The following MIA2 variants were observed in gnomAD, a reference collection of about 807,000 sequenced individuals.
The protein encoded by MIA2 is MIA SH3 domain ER export factor 2, also known as melanoma inhibitory activity protein 2.
Under a neutral mutation model 167.8 loss-of-function variants are expected in MIA2, and 127 were observed. The ratio of observed to expected loss-of-function variants is 0.76; its 90% confidence interval spans 0.66 to 0.88. The LOEUF (loss-of-function observed/expected upper bound fraction) is 0.88. MIA2 is among the 40% of genes least tolerant of loss of function. The probability of loss-of-function intolerance (pLI) is 0.00; values close to 1 mark genes in which losing one functional copy is unlikely to be tolerated. For synonymous variants in MIA2, 552 were observed against 541.9 expected (o/e 1.02, Z -0.26); for missense variants, 1,690 against 1,624.7 (o/e 1.04, Z -0.69).
At chr14:39,282,636 T>C (rs1369699053) in intron 9 of MIA2, among the ~76,000 whole-genome samples, 1 of 152,156 alleles carries the variant, frequency 6.6e-6, no homozygotes, top group Non-Finnish European at 1.5e-5. Context: ...TGCAGTGGCA[T>C]GATCTTGGCT....
chr14:39,367,061 G>C (rs893333887), intron 23 of MIA2, among the ~76,000 whole-genome samples: 7 of 152,212 alleles, frequency 4.6e-5, no homozygotes, highest in South Asian at 4.1e-4. Context: ...TGGCCCTGCT[G>C]CTGATGGAGG....
At position 39,323,951 on chromosome 14, in the gene MIA2, G is replaced by C. The variant is rs376505652; in HGVS notation, c.3496+2895G>C. The stretch of plus-strand genomic sequence containing the variant: ...AGTTGTCATCGGGTCTTACAGAGTT[G>C]ATCCGAACTAAAAGTTTCTATGATC... On this transcript the variant is annotated intron_variant, in intron 24 of 28. Coordinates refer to ENST00000640607, the MANE Select transcript of MIA2 (RefSeq NM_001329214.4). Among the ~76,000 whole-genome samples the C allele has an allele frequency of 3.9e-5, 6 of 152,306 alleles. No individual in the cohort carries two copies. The East Asian group carries it at 1.2e-3, about 29-fold the overall frequency.
At chr14:39,332,884 C>G (rs1306926031) in intron 25 of MIA2, among the ~76,000 whole-genome samples, 3 of 152,108 alleles carry the variant, frequency 2.0e-5, no homozygotes, top group Non-Finnish European at 4.4e-5. Context: ...GCCTGGGAAT[C>G]AACAATTTCT....
intron 6 of MIA2, chr14:39,266,045 G>A (rs1158017175): frequency 1.0e-6 from 1 of 985,314 alleles, no homozygotes; most frequent in Non-Finnish European, 1.2e-6. Flanking sequence ...TGTGAACTTG[G>A]GCCAGTTTTT....
At chr14:39,300,949 T>TACACATAC in intron 14 of MIA2, among the ~76,000 whole-genome samples, 1 of 141,276 alleles carries the variant, frequency 7.1e-6, no homozygotes, top group African/African-American at 2.7e-5. Context: ...TATACATATA[T>TACACATAC]ACACATACAT....
chr14:39,313,111 CTA>C (rs1188804746), intron 18 of MIA2, among the ~76,000 whole-genome samples: 1 of 151,880 alleles, frequency 6.6e-6, no homozygotes, highest in Non-Finnish European at 1.5e-5. Flanking sequence ...ACTCTTGAAA[CTA>C]TTAGTAGTTC....
At chr14:39,288,045 C>T (rs1436696815) in intron 9 of MIA2, among the ~76,000 whole-genome samples, 1 of 152,074 alleles carries the variant, frequency 6.6e-6, no homozygotes, top group African/African-American at 2.4e-5. Context: ...TGTGGTTTTG[C>T]CATGTTGCAC....
Position 39,285,726 on chromosome 14 carries a change from G to A in MIA2, c.2131-5293G>A, listed in dbSNP as rs1200350547. Among the ~76,000 whole-genome samples, 99 of 108,918 alleles carry A rather than the reference G, an allele frequency of 9.1e-4. 3 individuals are homozygous for A. The Admixed American group carries it at 9.4e-3, about 10-fold the overall frequency. The allele number at this position is 108,918 out of a possible 152,430, so 71.5% of individuals were successfully genotyped here. A position where few individuals can be genotyped will look rare whatever the true frequency, so the allele number is the denominator to read the frequency against. ...CGGAGACGCTCCTCACTTCCCAGAC[G>A]GGGCAGCTGCCGGGCGGAGGGGCTC... On this transcript the variant is annotated intron_variant, in intron 9 of 28. Transcript: ENST00000640607.
intron 20 of MIA2, chr14:39,315,120 T>TAAAA (rs558848153): frequency 8.5e-5 from 9 of 105,890 alleles, no homozygotes; most frequent in East Asian, 2.9e-4. Flanking sequence ...CTGTCTCTAC[T>TAAAA]AAAAAAAAAA....
chr14:39,364,508 T>TA (rs1455431365), intron 23 of MIA2, among the ~76,000 whole-genome samples: 1 of 152,122 alleles, frequency 6.6e-6, no homozygotes, highest in Non-Finnish European at 1.5e-5. Context: ...GTATTTGCTT[T>TA]ACCAGTAAGT....
intron 23 of MIA2, among the ~76,000 whole-genome samples, chr14:39,361,901 T>A (rs964925892): frequency 6.6e-6 from 1 of 152,230 alleles, no homozygotes; most frequent in Non-Finnish European, 1.5e-5. Context: ...TTTGAATGTT[T>A]TTATAATGAA....
chr14:39,319,262 T>G lies in MIA2; in HGVS notation c.3338T>G (p.Leu1113Arg), dbSNP rs768141006. The change falls in exon 23 of 29, where the codon CTC (leucine) becomes CGC (arginine). Residue 1113 changes from leucine to arginine, a missense_variant. Transcript: ENST00000640607. ...FELLEKDPYA[L>R]DVPNTAFGRE... is the part of the protein sequence containing the mutation. ...CTTTTAGAAAAAGATCCTTATGCAC[T>G]CGATGTTCCAAATACAGCATTTGGC... is the stretch of plus-strand genomic sequence containing the variant. 1 of 1,564,900 alleles carries G rather than the reference T, an allele frequency of 6.4e-7. No individual in the cohort carries two copies. Among genetic ancestry groups the G allele is most frequent in the East Asian group, 2.3e-5 (1 of 44,356 alleles).
chr14:39,239,937 A>T (rs1479059002), intron 2 of MIA2, among the ~76,000 whole-genome samples: 1 of 152,218 alleles, frequency 6.6e-6, no homozygotes, highest in African/African-American at 2.4e-5. Flanking sequence ...TAAAACTTTA[A>T]CAGGGTTAGG....
chr14:39,277,776 A>ATATATATATATATATATATATATATATT lies in MIA2; in HGVS notation c.2019+716_2019+717insATATATATATATATATATATATTTATAT, dbSNP rs1555358832. 8.1e-4 allele frequency among the ~76,000 whole-genome samples: 29 copies of ATATATATATATATATATATATATATATT among 35,770 alleles called. 5 individuals carry two copies. Among genetic ancestry groups the ATATATATATATATATATATATATATATT allele is most frequent in the Non-Finnish European group, 1.6e-3 (26 of 15,874 alleles). The allele number at this position is 35,770 out of a possible 152,430, so 23.5% of individuals were successfully genotyped here. On this transcript the variant is annotated intron_variant, in intron 7 of 28. Coordinates refer to ENST00000640607, the MANE Select transcript of MIA2 (RefSeq NM_001329214.4). ...TATATATATATATATATATATATATATATATTTATATTTAAAGAGATGGGG... is the reference window on the plus strand; with the variant it reads ...TATATATATATATATATATATATATATATATATATATATATATATATATATATTTATATTTATATTTAAAGAGATGGGG...
In MIA2 at chr14:39,345,515, C is replaced by T. The variant is rs937737803; in HGVS notation, c.3656-389C>T. Among the ~76,000 whole-genome samples, 6 of 152,210 alleles carry T rather than the reference C, an allele frequency of 3.9e-5. No homozygotes were observed. The East Asian group carries it at 9.6e-4, about 24-fold the overall frequency. Reference sequence around the variant, plus strand: ...TCTGGTAAATTTCTTGCTGTGCTTACGTTTTTTCTCTTTACTTTTTCCTTA... The same window carrying T: ...TCTGGTAAATTTCTTGCTGTGCTTATGTTTTTTCTCTTTACTTTTTCCTTA... On this transcript the variant is annotated intron_variant, in intron 25 of 28. Coordinates refer to ENST00000640607, the MANE Select transcript of MIA2 (RefSeq NM_001329214.4).
rs2152628213 is a variant in MIA2 at position 39,247,632 on chromosome 14, T to G, written c.1058T>G (p.Val353Gly). 1.2e-6 allele frequency: 2 copies of G among 1,612,614 alleles called. No individual in the cohort carries two copies. The highest frequency in any genetic ancestry group is 1.7e-6 in the Non-Finnish European group (2 of 1,179,708). The change falls in exon 4 of 29, where the codon GTT becomes GGT. Residue 353 changes from valine (V) to glycine (G), a missense_variant. Transcript: ENST00000640607. ...NSISSDKEATVPCTEILTEKK... is the reference protein window; with the variant it reads ...NSISSDKEATGPCTEILTEKK... ...ATATCATCTGATAAAGAAGCCACAG[T>G]TCCATGTACAGAAATATTAACAGAA... is the stretch of plus-strand genomic sequence containing the variant.
At chr14:39,359,992 GTT>G (rs58076493) in intron 23 of MIA2, among the ~76,000 whole-genome samples, 52,007 of 130,138 alleles carry the variant, frequency 0.4, 10,372 homozygotes, top group African/African-American at 0.58. Flanking sequence ...TCTGCAGCAT[GTT>G]TTTTTTTTTT....
intron 23 of MIA2, among the ~76,000 whole-genome samples, chr14:39,375,443 C>A (rs889931208): frequency 6.6e-6 from 1 of 152,186 alleles, no homozygotes; most frequent in East Asian, 1.9e-4. Context: ...CACCTGTAAT[C>A]CCAGCACTTT....
At chr14:39,303,755 T>C (rs1345853922) in intron 16 of MIA2, among the ~76,000 whole-genome samples, 1 of 152,156 alleles carries the variant, frequency 6.6e-6, no homozygotes. Flanking sequence ...GTACTCATTT[T>C]TCGGATAAGA....
Sources: allele counts gnomAD v4.1 joint callset (sites outside exome capture counted in the v4.1 genomes callset), GRCh38; gene constraint gnomAD v4.1.1; transcripts MANE v1.5; gene names NCBI Gene and HGNC (gene_info 2026-07-23, HGNC 2026-07-21).